Variants in HIBADH observed in about 807,000 individuals in gnomAD.
The protein encoded by HIBADH is 3-hydroxyisobutyrate dehydrogenase.
HIBADH carries 25 observed loss-of-function variants against 36.1 expected under a neutral mutation model. The ratio of observed to expected loss-of-function variants is 0.69; its 90% confidence interval spans 0.50 to 0.97. HIBADH has a LOEUF of 0.97. Ranked by LOEUF, HIBADH falls within the 50% of genes least tolerant of loss-of-function variation. HIBADH has a pLI of 0.00. For missense variants in HIBADH, 421 were observed against 418.0 expected (o/e 1.01, Z -0.06); for synonymous variants, 160 against 149.5 (o/e 1.07, Z -0.51).
chr7:27,586,825 C>T (rs1368294256), intron 4 of HIBADH, among the ~76,000 whole-genome samples: 1 of 152,198 alleles, frequency 6.6e-6, no homozygotes, highest in Non-Finnish European at 1.5e-5. Context: ...TGACATTCTC[C>T]TGCCAGTCCC....
chr7:27,596,726 T>G (rs188162711), intron 4 of HIBADH, among the ~76,000 whole-genome samples: 1 of 152,326 alleles, frequency 6.6e-6, no homozygotes, highest in African/African-American at 2.4e-5. Context: ...GTGTTTTGGA[T>G]TCCAGATTCT....
At chr7:27,620,695 A>C (rs886814682) in intron 4 of HIBADH, among the ~76,000 whole-genome samples, 1 of 152,190 alleles carries the variant, frequency 6.6e-6, no homozygotes, top group African/African-American at 2.4e-5. Flanking sequence ...ACCATCATGA[A>C]AACACATGAA....
At chr7:27,657,363 C>T (rs1489216642) in intron 1 of HIBADH, among the ~76,000 whole-genome samples, 1 of 152,058 alleles carries the variant, frequency 6.6e-6, no homozygotes, top group Non-Finnish European at 1.5e-5. Flanking sequence ...TGTCTATGTA[C>T]TTGGAGGAAA....
chr7:27,599,670 ACT>A lies in HIBADH; in HGVS notation c.484+29699_484+29700del, dbSNP rs1297909004. 1.8e-4 allele frequency among the ~76,000 whole-genome samples: 19 copies of A among 103,246 alleles called. No homozygotes were observed. In the East Asian group the frequency reaches 3.7e-3, roughly 20 times the overall value. 67.7% of individuals were successfully genotyped at this position (103,246 alleles called of 152,430 possible). ...GCACTCCAGCCTGGGTGACAGCGAG[ACT>A]CTGTCTCCAAAAAAAAAAAAAAAAA... is the stretch of plus-strand genomic sequence containing the variant. On this transcript the variant is annotated intron_variant, in intron 4 of 7. Transcript: ENST00000265395.
rs775574345 is a variant in HIBADH, at chr7:27,661,354, GCTTTGGGAGGATCA to G, written c.91+1330_91+1343del. ...AGTGGTTCATGCCTATAATCCCAAC[GCTTTGGGAGGATCA>G]CTTGAGCGCAGGAGTTCAAGACCAG... is the stretch of plus-strand genomic sequence containing the variant. On this transcript the variant is annotated intron_variant, in intron 1 of 7. Coordinates refer to ENST00000265395, the MANE Select transcript of HIBADH (RefSeq NM_152740.4). Among the ~76,000 whole-genome samples, 120 of 152,050 alleles carry G rather than the reference GCTTTGGGAGGATCA, an allele frequency of 7.9e-4. 1 individual carries two copies. The highest frequency in any genetic ancestry group is 2.8e-4 in the Non-Finnish European group (19 of 68,022).
At chr7:27,574,644 C>A (rs1216039443) in intron 4 of HIBADH, among the ~76,000 whole-genome samples, 2 of 152,218 alleles carry the variant, frequency 1.3e-5, no homozygotes, top group Admixed American at 1.3e-4. Flanking sequence ...ACACCTCCCC[C>A]TCTAATAATA....
intron 4 of HIBADH, among the ~76,000 whole-genome samples, chr7:27,600,039 C>T (rs114956584): frequency 0.01 from 1,554 of 152,080 alleles, 33 homozygotes; most frequent in African/African-American, 0.035. Flanking sequence ...AATGTTTTGA[C>T]GGGGTCAGGG....
At chr7:27,633,455 G>A (rs1008420772) in intron 2 of HIBADH, among the ~76,000 whole-genome samples, 19 of 152,076 alleles carry the variant, frequency 1.2e-4, no homozygotes, top group African/African-American at 3.9e-4. Flanking sequence ...CCCAGGAGGT[G>A]GAGACCAGTC....
chr7:27,531,491 G>A, intron 6 of HIBADH, 143 bp from the exon 7 acceptor site: 1 of 675,574 alleles, frequency 1.5e-6, no homozygotes, highest in Non-Finnish European at 2.3e-6. Flanking sequence ...CGAGAGTGAA[G>A]AATCCAATTT....
chr7:27,607,705 C>T (rs1449344994), intron 4 of HIBADH, among the ~76,000 whole-genome samples: 1 of 151,490 alleles, frequency 6.6e-6, no homozygotes, highest in Non-Finnish European at 1.5e-5. Context: ...AACTAACTAG[C>T]CTCCTTCCTC....
At chr7:27,576,262 G>A (rs1378257929) in intron 4 of HIBADH, among the ~76,000 whole-genome samples, 1 of 152,114 alleles carries the variant, frequency 6.6e-6, no homozygotes, top group Non-Finnish European at 1.5e-5. Flanking sequence ...GTGTGGATGT[G>A]GAGGCGGTAA....
intron 4 of HIBADH, among the ~76,000 whole-genome samples, chr7:27,623,863 T>A (rs1282098013): frequency 6.6e-6 from 1 of 152,206 alleles, no homozygotes; most frequent in Non-Finnish European, 1.5e-5. Context: ...AATGGTGCGA[T>A]CTCAGCTCAC....
At chr7:27,585,290 CGTGT>C (rs555250423) in intron 4 of HIBADH, among the ~76,000 whole-genome samples, 8 of 151,618 alleles carry the variant, frequency 5.3e-5, no homozygotes, top group Admixed American at 2.0e-4. Flanking sequence ...TATGCACACA[CGTGT>C]GTGTATGTAT....
chr7:27,645,297 C>G (rs930711047), intron 2 of HIBADH, among the ~76,000 whole-genome samples: 15 of 149,156 alleles, frequency 1.0e-4, no homozygotes, highest in Non-Finnish European at 2.2e-4. Context: ...TCCAACTTTT[C>G]TACAACCTCA....
chr7:27,597,446 TAAA>T (rs11289715), intron 4 of HIBADH, among the ~76,000 whole-genome samples: 1 of 148,114 alleles, frequency 6.8e-6, no homozygotes, highest in Non-Finnish European at 1.5e-5. Flanking sequence ...ATAGACTCAG[TAAA>T]AAAAAAAAAA....
chr7:27,594,144 G>GTT lies in HIBADH; in HGVS notation c.484+35225_484+35226dup, dbSNP rs202051184. ...TAGGTTGTTACATAAAGATGTTTTT[G>GTT]TTTTTTTGTTTTTTTTCTGAAACAG... On this transcript the variant is annotated intron_variant, in intron 4 of 7. Transcript: ENST00000265395. Among the ~76,000 whole-genome samples, 5 of 55,444 alleles carry GTT rather than the reference G, an allele frequency of 9.0e-5. 1 individual carries two copies. Among genetic ancestry groups the GTT allele is most frequent in the African/African-American group, 2.3e-4 (2 of 8,820 alleles). The allele number at this position is 55,444 out of a possible 152,430, so 36.4% of individuals were successfully genotyped here.
At chr7:27,642,742 C>G (rs1340645568) in intron 2 of HIBADH, among the ~76,000 whole-genome samples, 1 of 146,638 alleles carries the variant, frequency 6.8e-6, no homozygotes, top group African/African-American at 2.5e-5. Context: ...AGCTCCGCCT[C>G]CCGGGTTCAC....
In HIBADH at chr7:27,530,559, A is replaced by C. The variant is rs201861250; in HGVS notation, c.852+633T>G. ...CAAACAAACAAACAAACAAACAAAA[A>C]CCAACCCTCAACTGGGAGAAAATAA... On this transcript the variant is annotated intron_variant, in intron 7 of 7. Coordinates refer to ENST00000265395, the MANE Select transcript of HIBADH (RefSeq NM_152740.4). Among the ~76,000 whole-genome samples, 7 of 152,212 alleles carry C rather than the reference A, an allele frequency of 4.6e-5. No homozygotes were observed. In the East Asian group the frequency reaches 7.7e-4, roughly 17 times the overall value.
chr7:27,562,509 T>C (rs754729865), intron 4 of HIBADH, among the ~76,000 whole-genome samples: 2 of 152,216 alleles, frequency 1.3e-5, no homozygotes, highest in African/African-American at 4.8e-5. Flanking sequence ...TCTTTAAAAT[T>C]GAGACAGGAT....
Sources: gnomAD v4.1 joint callset for allele counts (sites outside exome capture counted in the v4.1 genomes callset) on GRCh38, gnomAD v4.1.1 for gene constraint, MANE v1.5 for transcripts, NCBI Gene and HGNC (gene_info 2026-07-23, HGNC 2026-07-21) for gene names.